PTPRK: variants seen among roughly 807,000 people sequenced by gnomAD.
PTPRK encodes the protein protein tyrosine phosphatase receptor type K.
Under a neutral mutation model 178.0 loss-of-function variants are expected in PTPRK, and 75 were observed. That is an observed-to-expected ratio of 0.42 (90% CI 0.35 to 0.51). PTPRK has a LOEUF of 0.51. Among genes scored for constraint, PTPRK ranks in the 20% least tolerant of loss-of-function variants. The pLI, the probability that PTPRK is intolerant of heterozygous loss-of-function variation, is 0.02. For missense variants in PTPRK, 1,441 were observed against 1,797.8 expected (o/e 0.80, Z 3.59); for synonymous variants, 637 against 620.6 (o/e 1.03, Z -0.39).
intron 2 of PTPRK, among the ~76,000 whole-genome samples, chr6:128,340,492 G>C (rs1171116931): frequency 1.3e-5 from 2 of 152,158 alleles, no homozygotes; most frequent in African/African-American, 4.8e-5. Flanking sequence ...AAAGAGTTTA[G>C]AGTTTAAGGG....
intron 7 of PTPRK, among the ~76,000 whole-genome samples, chr6:128,093,173 T>A (rs1294459071): frequency 6.6e-6 from 1 of 152,224 alleles, no homozygotes; most frequent in Non-Finnish European, 1.5e-5. Context: ...TTTTTTCAAA[T>A]CTTTATTGGG....
chr6:128,054,989 C>T (rs1318208784), intron 13 of PTPRK, among the ~76,000 whole-genome samples: 1 of 152,044 alleles, frequency 6.6e-6, no homozygotes, highest in Non-Finnish European at 1.5e-5. Flanking sequence ...TTATTTCTAT[C>T]CAAATTAAAC....
Position 127,970,118 on chromosome 6 carries a change from C to T in PTPRK, c.*109G>A. On this transcript the variant is annotated 3_prime_UTR_variant, in exon 30 of 30. Transcript: ENST00000368226. Reference sequence around the variant, plus strand: ...TTTACCTCTCAAATGTAAAAGTCTCCCACCCCCCACATTAAAATCTTTCTG... The same window carrying T: ...TTTACCTCTCAAATGTAAAAGTCTCTCACCCCCCACATTAAAATCTTTCTG... The T allele has an allele frequency of 2.6e-6, 2 of 759,234 alleles. No homozygotes were observed. Among genetic ancestry groups the T allele is most frequent in the Non-Finnish European group, 2.1e-6 (1 of 481,412 alleles). The allele number at this position is 759,234 out of a possible 1,614,324, so 47.0% of individuals were successfully genotyped here.
rs888948537 is a variant in PTPRK, at chr6:128,067,917, C to G, written c.1884-125G>C. ...ACATTTCAAAGTATTTAAAGTTAGT[C>G]TTAACCTGGTATACTCTTTTCAGCT... On this transcript the variant is annotated intron_variant, in intron 11 of 29. Transcript: ENST00000368226. 21 of 926,016 alleles carry G rather than the reference C, an allele frequency of 2.3e-5. No homozygotes were observed. In the African/African-American group the frequency reaches 3.2e-4, roughly 14 times the overall value. The allele number at this position is 926,016 out of a possible 1,614,324, so 57.4% of individuals were successfully genotyped here.
intron 1 of PTPRK, among the ~76,000 whole-genome samples, chr6:128,413,546 G>A (rs937170843): frequency 3.9e-5 from 6 of 152,082 alleles, no homozygotes; most frequent in Admixed American, 1.3e-4. Context: ...GAAAGGACAG[G>A]ACTTCTGTGA....
chr6:128,393,089 C>CT (rs755172831), intron 2 of PTPRK, among the ~76,000 whole-genome samples: 14,521 of 124,852 alleles, frequency 0.12, 911 homozygotes, highest in African/African-American at 0.14. Context: ...TTCATAAGGA[C>CT]TTTTTTTTTT....
At chr6:128,093,585 A>C (rs989405090) in intron 7 of PTPRK, among the ~76,000 whole-genome samples, 1 of 128,998 alleles carries the variant, frequency 7.8e-6, no homozygotes, top group African/African-American at 3.0e-5. Flanking sequence ...ACAGAGCAAG[A>C]GACTCTCTCT....
intron 1 of PTPRK, among the ~76,000 whole-genome samples, chr6:128,481,891 C>G (rs1852131581): frequency 6.6e-6 from 1 of 152,042 alleles, no homozygotes; most frequent in Non-Finnish European, 1.5e-5. Context: ...AACAAGCACA[C>G]TACAAAGGCT....
chr6:128,106,937 G>A (rs1789818247), intron 7 of PTPRK, among the ~76,000 whole-genome samples: 1 of 151,956 alleles, frequency 6.6e-6, no homozygotes, highest in African/African-American at 2.4e-5. Context: ...AAAGAATTTG[G>A]TAAGTATAAA....
intron 3 of PTPRK, among the ~76,000 whole-genome samples, chr6:128,278,497 A>C (rs1228531140): frequency 6.6e-6 from 1 of 152,112 alleles, no homozygotes; most frequent in Non-Finnish European, 1.5e-5. Flanking sequence ...ATTTGAAAGA[A>C]TCTCTCACCC....
chr6:128,050,505 C>T (rs1162594392), intron 13 of PTPRK, among the ~76,000 whole-genome samples: 1 of 152,188 alleles, frequency 6.6e-6, no homozygotes, highest in Non-Finnish European at 1.5e-5. Context: ...TTTGTCTCAA[C>T]TGCAATGAAC....
chr6:128,055,065 A>G (rs761922963), intron 13 of PTPRK, among the ~76,000 whole-genome samples: 39 of 152,304 alleles, frequency 2.6e-4, no homozygotes, highest in Non-Finnish European at 5.1e-4. Flanking sequence ...AAAAAATCCT[A>G]TCACATCCAT....
chr6:128,495,541 C>T (rs566071503), intron 1 of PTPRK, among the ~76,000 whole-genome samples: 5 of 152,002 alleles, frequency 3.3e-5, no homozygotes, highest in Admixed American at 6.6e-5. Context: ...TCTAAGTCCC[C>T]ACAAATCTAC....
intron 15 of PTPRK, chr6:128,001,284 T>C: frequency 8.8e-7 from 1 of 1,138,698 alleles, no homozygotes; most frequent in Non-Finnish European, 1.3e-6. Flanking sequence ...CCCTTTTAAA[T>C]CAGTAAGTAT....
chr6:128,464,658 T>TATAC (rs1562577054), intron 1 of PTPRK, among the ~76,000 whole-genome samples: 1 of 116,652 alleles, frequency 8.6e-6, no homozygotes, highest in Non-Finnish European at 1.8e-5. Flanking sequence ...TATATATATA[T>TATAC]ATATATATAT....
At chr6:128,154,219 A>T (rs1474575784) in intron 7 of PTPRK, among the ~76,000 whole-genome samples, 1 of 151,734 alleles carries the variant, frequency 6.6e-6, no homozygotes, top group Non-Finnish European at 1.5e-5. Context: ...TAATAATTAA[A>T]ATTGAGAATT....
At chr6:128,513,391 G>A (rs1857450169) in intron 1 of PTPRK, among the ~76,000 whole-genome samples, 1 of 151,436 alleles carries the variant, frequency 6.6e-6, no homozygotes, top group Admixed American at 6.6e-5. Flanking sequence ...CCTGAAGCAG[G>A]AGAATCTCTT....
chr6:128,112,440 C>A (rs1158574213), intron 7 of PTPRK, among the ~76,000 whole-genome samples: 1 of 151,958 alleles, frequency 6.6e-6, no homozygotes, highest in Non-Finnish European at 1.5e-5. Context: ...AATATGAGAT[C>A]TCAGCATTTG....
intron 13 of PTPRK, among the ~76,000 whole-genome samples, chr6:128,037,845 C>T (rs1776484130): frequency 6.6e-6 from 1 of 151,934 alleles, no homozygotes; most frequent in African/African-American, 2.4e-5. Context: ...TCTATTTGTC[C>T]CTGTAATAGA....
Sources: gnomAD v4.1 joint callset for allele counts (sites outside exome capture counted in the v4.1 genomes callset) on GRCh38, gnomAD v4.1.1 for gene constraint, MANE v1.5 for transcripts, NCBI Gene and HGNC (gene_info 2026-07-23, HGNC 2026-07-21) for gene names.